Variants in PLEKHG6 observed in about 807,000 individuals in gnomAD.
PLEKHG6 encodes the protein pleckstrin homology and RhoGEF domain containing G6, also known as pleckstrin homology domain-containing family G member 6.
In PLEKHG6, 91 loss-of-function variants were observed where a neutral mutation model predicts 97.5. The observed-to-expected ratio is 0.93, with a 90% CI of 0.79 to 1.11. The LOEUF is 1.11. Among genes scored for constraint, PLEKHG6 ranks in the 50% most tolerant of loss-of-function variants. The pLI, the probability that PLEKHG6 is intolerant of heterozygous loss-of-function variation, is 0.00. For missense variants in PLEKHG6, 1,044 were observed against 1,031.0 expected, an observed-to-expected ratio of 1.01 and a Z score of -0.17; for synonymous variants, 466 against 425.5, an observed-to-expected ratio of 1.10 and a Z score of -1.17.
chr12:6,318,099 G>GTGTC (rs1242009574), intron 10 of PLEKHG6, 105 bp downstream of exon 10: 1 of 1,411,294 alleles, frequency 7.1e-7, no homozygotes, highest in Non-Finnish European at 9.6e-7. Flanking sequence ...TGCTACAAGG[G>GTGTC]TGTCCATCAT....
Position 6,327,580 on chromosome 12 carries a change from C to T in PLEKHG6, c.1997C>T (p.Thr666Ile). 6.3e-7 allele frequency: 1 copy of T among 1,594,738 alleles called. No homozygotes were observed. The highest frequency in any genetic ancestry group is 8.5e-7 in the Non-Finnish European group (1 of 1,171,286). The change falls in exon 15 of 16, where the codon ACC (threonine) becomes ATC (isoleucine). Residue 666 changes from threonine to isoleucine, a missense_variant. Coordinates refer to ENST00000684764, the MANE Select transcript of PLEKHG6 (RefSeq NM_001384598.1). The stretch of plus-strand genomic sequence containing the variant: ...AGTCTTCCCCAGGAAGACCCACCAA[C>T]CTGGTCTGAGGAAGAAGATGGGGCC... ...GGSLPQEDPPTWSEEEDGASE... is the reference protein window; with the variant it reads ...GGSLPQEDPPIWSEEEDGASE...
chr12:6,321,889 C>G (rs1264466339), intron 13 of PLEKHG6, among the ~76,000 whole-genome samples: 4 of 150,332 alleles, frequency 2.7e-5, no homozygotes, highest in African/African-American at 9.8e-5. Context: ...TGGTTAAAGT[C>G]TATACTGAAT....
chr12:6,323,734 T>C (rs1234024614), intron 13 of PLEKHG6, among the ~76,000 whole-genome samples: 1 of 151,796 alleles, frequency 6.6e-6, no homozygotes, highest in Non-Finnish European at 1.5e-5. Flanking sequence ...TCTTGGGGAG[T>C]TGCAGTGCAC....
At position 6,327,718 on chromosome 12, in the gene PLEKHG6, CA is replaced by C; in HGVS notation, c.2136del (p.Glu714ArgfsTer10). 6.4e-7 allele frequency: 1 copy of C among 1,559,052 alleles called. No homozygotes were observed. Among genetic ancestry groups the C allele is most frequent in the Non-Finnish European group, 8.7e-7 (1 of 1,154,928 alleles). ...GCCGGGGAAAGCCCCTGGGAGTCCT[CA>C]GGGGAGGAGGAAGAAGAGGGGCCTC... is the stretch of plus-strand genomic sequence containing the variant. ...DSAGESPWES[S>X]GEEEEEGPLF... On this transcript the variant is annotated frameshift_variant, in exon 15 of 16. Transcript: ENST00000684764. LOFTEE classifies it high-confidence loss of function.
intron 10 of PLEKHG6, 100 bp downstream of exon 10, chr12:6,318,094 C>A: frequency 7.1e-7 from 1 of 1,410,754 alleles, no homozygotes; most frequent in Non-Finnish European, 9.6e-7. Context: ...TTGGGTGCTA[C>A]AAGGGTGTCC....
At position 6,319,112 on chromosome 12, in the gene PLEKHG6, T is replaced by C; in HGVS notation, c.1524+4T>C. 6.3e-7 allele frequency: 1 copy of C among 1,596,078 alleles called. No individual in the cohort carries two copies. The highest frequency in any genetic ancestry group is 1.1e-5 in the South Asian group (1 of 90,000). On this transcript the variant is annotated splice_donor_region_variant and intron_variant, in intron 13 of 15. Transcript: ENST00000684764. ...GGAGAAGACCCAGCAGGCCCAGGTA[T>C]GGGAAAGCCAGCAACGGGGAGGCAT...
At chr12:6,312,057 C>A (rs1036702875) in intron 1 of PLEKHG6, 102 bp from the exon 2 acceptor site, 4 of 520,378 alleles carry the variant, frequency 7.7e-6, no homozygotes, top group Middle Eastern at 4.7e-4. Flanking sequence ...TCTCCTCCCC[C>A]ACTATACCCT....
Position 6,317,950 on chromosome 12 carries a change from G to A in PLEKHG6, c.1111G>A (p.Gly371Arg), listed in dbSNP as rs780582316. The A allele has an allele frequency of 2.4e-5, 38 of 1,583,314 alleles. No homozygotes were observed. Among genetic ancestry groups the A allele is most frequent in the Non-Finnish European group, 2.7e-5 (32 of 1,165,048 alleles). Residue 371 changes from glycine (G) to arginine (R), a missense_variant, in exon 10 of 16, where the codon GGG becomes AGG. Physicochemically the swap from Gly to Arg is moderately radical, Grantham distance 125 (BLOSUM62 -2). Coordinates refer to ENST00000684764, the MANE Select transcript of PLEKHG6 (RefSeq NM_001384598.1). Reference sequence around the variant, plus strand: ...CTTGGCGGCTGCAGCACAACGCATCGGGCCCTACGAGGTGCTGGAGCCACC... The same window carrying A: ...CTTGGCGGCTGCAGCACAACGCATCAGGCCCTACGAGGTGCTGGAGCCACC... Reference protein sequence around the residue: ...ESLAAAAQRIGPYEVLEPPSD... With the variant: ...ESLAAAAQRIRPYEVLEPPSD...
chr12:6,327,154 A>C, intron 14 of PLEKHG6, 100 bp from the exon 15 acceptor site: 1 of 717,616 alleles, frequency 1.4e-6, no homozygotes, highest in Non-Finnish European at 2.4e-6. Flanking sequence ...ATACCAAAAT[A>C]AGTTTGGAGG....
chr12:6,312,060 T>A, intron 1 of PLEKHG6, 99 bp from the exon 2 acceptor site: 1 of 520,958 alleles, frequency 1.9e-6, no homozygotes, highest in Non-Finnish European at 3.2e-6. Context: ...CCTCCCCCAC[T>A]ATACCCTCCC....
At chr12:6,320,321 C>T (rs1947661180) in intron 13 of PLEKHG6, among the ~76,000 whole-genome samples, 1 of 152,074 alleles carries the variant, frequency 6.6e-6, no homozygotes, top group African/African-American at 2.4e-5. Flanking sequence ...TGTATTAGGT[C>T]CCACAAACTT....
intron 13 of PLEKHG6, among the ~76,000 whole-genome samples, chr12:6,320,731 C>CTTTT (rs1166432364): frequency 6.6e-6 from 1 of 152,176 alleles, no homozygotes; most frequent in African/African-American, 2.4e-5. Flanking sequence ...ATATATCTAT[C>CTTTT]TTTTGGGGGG....
rs1184850724 is a variant in PLEKHG6 at position 6,319,043 on chromosome 12, C to T, written c.1459C>T (p.Leu487Phe). Reference protein sequence around the residue: ...LTEFQCVSSALLVHCPSPTDR... With the variant: ...LTEFQCVSSAFLVHCPSPTDR... ...TGAATTCCAGTGTGTCTCCAGCGCC[C>T]TCCTTGTGCACTGTCCCAGTCCTAC... is the stretch of plus-strand genomic sequence containing the variant. Residue 487 changes from leucine (L) to phenylalanine (F), a missense_variant, in exon 13 of 16, where the codon CTC becomes TTC. Transcript: ENST00000684764. The T allele has an allele frequency of 4.3e-6, 7 of 1,613,962 alleles. No individual in the cohort carries two copies. The South Asian group carries it at 7.7e-5, about 18-fold the overall frequency.
At position 6,327,479 on chromosome 12, in the gene PLEKHG6, T is replaced by TTC; in HGVS notation, c.1896_1897insTC (p.Pro633SerfsTer23). On this transcript the variant is annotated frameshift_variant, in exon 15 of 16. Transcript: ENST00000684764. LOFTEE classifies it high-confidence loss of function. Reference sequence around the variant, plus strand: ...TGGAACTCCGGGACATCCCTCTGCGTCCCCACCCTCCCGACCCCCAAGCTC... The same window carrying TTC: ...TGGAACTCCGGGACATCCCTCTGCGTTCCCCCACCCTCCCGACCCCCAAGCTC... 6.2e-7 allele frequency: 1 copy of TTC among 1,603,272 alleles called. No homozygotes were observed.
In PLEKHG6 at chr12:6,315,280, T is replaced by A; in HGVS notation, c.459+111T>A. On this transcript the variant is annotated intron_variant, in intron 4 of 15. Coordinates refer to ENST00000684764, the MANE Select transcript of PLEKHG6 (RefSeq NM_001384598.1). This position sits in a 1 kb window ranked among gnomAD's most constrained non-coding sequence, Gnocchi z 4.5. The stretch of plus-strand genomic sequence containing the variant: ...GAAGTGGGGTCATGTGGAAAAAACA[T>A]CTGGAAACGCGTTGATCTGGGTTCA... 9.0e-7 allele frequency: 1 copy of A among 1,108,014 alleles called. No individual in the cohort carries two copies. Among genetic ancestry groups the A allele is most frequent in the South Asian group, 1.6e-5 (1 of 62,404 alleles). 68.6% of individuals were successfully genotyped at this position (1,108,014 alleles called of 1,614,324 possible).
rs1248973242 is a variant in PLEKHG6 at position 6,317,379 on chromosome 12, A to C, written c.833A>C (p.Gln278Pro). ...KQTMAYAREQ[Q>P]ETNPLFHAFV... Reference sequence around the variant, plus strand: ...ACCATGGCTTACGCCCGAGAACAGCAAGAAACTAACCCTCTCTTCCATGCC... The same window carrying C: ...ACCATGGCTTACGCCCGAGAACAGCCAGAAACTAACCCTCTCTTCCATGCC... The change falls in exon 8 of 16, where the codon CAA becomes CCA. Residue 278 changes from glutamine to proline, a missense_variant. Transcript: ENST00000684764. 1.2e-6 allele frequency: 2 copies of C among 1,614,108 alleles called. No homozygotes were observed.
At position 6,325,167 on chromosome 12, in the gene PLEKHG6, C is replaced by T. The variant is rs550675695; in HGVS notation, c.1525-1261C>T. Among the ~76,000 whole-genome samples the T allele has an allele frequency of 1.3e-3, 201 of 152,222 alleles. 1 individual carries two copies. The highest frequency in any genetic ancestry group is 4.6e-3 in the African/African-American group (193 of 41,534). Reference sequence around the variant, plus strand: ...AACCTCAGCTCTGCCACCTTCTCTTCCCTCTCCCTCCCCCTCCCCCTCCCC... The same window carrying T: ...AACCTCAGCTCTGCCACCTTCTCTTTCCTCTCCCTCCCCCTCCCCCTCCCC... On this transcript the variant is annotated intron_variant, in intron 13 of 15. Transcript: ENST00000684764.
chr12:6,318,960 G>T (rs1565458732), intron 12 of PLEKHG6, 33 bp from the exon 13 acceptor site: 5 of 1,611,778 alleles, frequency 3.1e-6, no homozygotes, highest in Non-Finnish European at 4.2e-6. Context: ...TCAAATAAAG[G>T]CTGGCCTCTT....
Position 6,316,538 on chromosome 12 carries a change from A to C in PLEKHG6, c.756+134A>C. The stretch of plus-strand genomic sequence containing the variant: ...GCAGGACACAGCCCCTACCCCTAAT[A>C]TCACCTCACCTCCTCCCTTCATGCC... On this transcript the variant is annotated intron_variant, in intron 7 of 15. Coordinates refer to ENST00000684764, the MANE Select transcript of PLEKHG6 (RefSeq NM_001384598.1). The surrounding 1 kb of genome is among the most constrained non-coding windows in gnomAD (Gnocchi z 4.1). 2 of 746,216 alleles carry C rather than the reference A, an allele frequency of 2.7e-6. No individual in the cohort carries two copies. The highest frequency in any genetic ancestry group is 4.1e-6 in the Non-Finnish European group (2 of 492,262). 46.2% of individuals were successfully genotyped at this position (746,216 alleles called of 1,614,324 possible). A position where few individuals can be genotyped will look rare whatever the true frequency, so the allele number is the denominator to read the frequency against.
Sources: allele counts gnomAD v4.1 joint callset (sites outside exome capture counted in the v4.1 genomes callset), GRCh38; gene constraint gnomAD v4.1.1; non-coding constraint Gnocchi (gnomAD v3.1); transcripts MANE v1.5; gene names NCBI Gene and HGNC (gene_info 2026-07-23, HGNC 2026-07-21).